Variants in MED23 observed in about 807,000 individuals in gnomAD.
MED23 encodes mediator of RNA polymerase II transcription subunit 23.
Under a neutral mutation model 163.9 loss-of-function variants are expected in MED23, and 105 were observed. The ratio of observed to expected loss-of-function variants is 0.64; its 90% CI spans 0.55 to 0.75. The LOEUF (loss-of-function observed/expected upper bound fraction) is 0.75, where lower values mean the gene tolerates loss of function less well. MED23 is among the 30% of genes least tolerant of loss of function. The pLI is 0.00. For missense variants in MED23, 1,054 were observed against 1,649.0 expected, an observed-to-expected ratio of 0.64 and a Z score of 6.25; for synonymous variants, 561 against 565.6, an observed-to-expected ratio of 0.99 and a Z score of 0.12.
At chr6:131,626,405 C>T (rs1360521567) in intron 3 of MED23, among the ~76,000 whole-genome samples, 1 of 151,406 alleles carries the variant, frequency 6.6e-6, no homozygotes, top group East Asian at 1.9e-4. Context: ...GAATATTATG[C>T]TGCTATTTAA....
At position 131,587,958 on chromosome 6, in the gene MED23, G is replaced by A. The variant is rs1034432678; in HGVS notation, c.3940-112C>T. On this transcript the variant is annotated intron_variant, in intron 28 of 28. Coordinates refer to ENST00000368068, the MANE Select transcript of MED23 (RefSeq NM_004830.4). ...ACAATAAACTAAGGAGTGTCGTGGGGTAGATGAGAAGTTTCTTAACATGTT... is the reference window on the plus strand; with the variant it reads ...ACAATAAACTAAGGAGTGTCGTGGGATAGATGAGAAGTTTCTTAACATGTT... 4.5e-6 allele frequency: 4 copies of A among 886,134 alleles called. No homozygotes were observed. In the East Asian group the frequency reaches 8.1e-5, roughly 18 times the overall value. 54.9% of individuals were successfully genotyped at this position (886,134 alleles called of 1,614,324 possible).
Position 131,587,028 on chromosome 6 carries a change from T to C in MED23, c.*651A>G, listed in dbSNP as rs907957848. On this transcript the variant is annotated 3_prime_UTR_variant, in exon 29 of 29. Transcript: ENST00000368068. Reference sequence around the variant, plus strand: ...TAAGTTCAAGAATTTTCAGATGTTATTTTCTTACATGGCTTCCAACTAATT... The same window carrying C: ...TAAGTTCAAGAATTTTCAGATGTTACTTTCTTACATGGCTTCCAACTAATT... 5 of 1,439,982 alleles carry C rather than the reference T, an allele frequency of 3.5e-6. No individual in the cohort carries two copies. In the East Asian group the frequency reaches 1.3e-4, roughly 37 times the overall value. 89.2% of individuals were successfully genotyped at this position (1,439,982 alleles called of 1,614,324 possible).
intron 17 of MED23, among the ~76,000 whole-genome samples, chr6:131,600,716 T>C (rs998304762): frequency 6.6e-6 from 1 of 152,034 alleles, no homozygotes; most frequent in African/African-American, 2.4e-5. Context: ...CCTTCAAAGA[T>C]TCAATGAGGT....
rs564045731 is a variant in MED23, at chr6:131,605,199, C to T, written c.1613+41G>A. ...ATAAAGGTTTATACTATACTCGTAT[C>T]AATTCCCTGACATGGAACCAAATTA... is the stretch of plus-strand genomic sequence containing the variant. On this transcript the variant is annotated intron_variant, in intron 14 of 28. Transcript: ENST00000368068. 29 of 1,601,176 alleles carry T rather than the reference C, an allele frequency of 1.8e-5. No individual in the cohort carries two copies. In the South Asian group the frequency reaches 3.1e-4, roughly 17 times the overall value.
chr6:131,628,059 C>T lies in MED23; in HGVS notation c.-10G>A. On this transcript the variant is annotated 5_prime_UTR_variant, in exon 1 of 29. Transcript: ENST00000368068. ...GCAGTTGCGTCTCCATCTGTACTAT[C>T]ACCCCCGCCTTTCCAGGGTGCCCGG... 6.2e-7 allele frequency: 1 copy of T among 1,613,998 alleles called. No homozygotes were observed. The highest frequency in any genetic ancestry group is 8.5e-7 in the Non-Finnish European group (1 of 1,180,036).
In MED23 at chr6:131,623,466, TA is replaced by T. The variant is rs749740496; in HGVS notation, c.285-5del. ...TATCAGGGATTCACAAACCAGCCTATAAAAAAAGAAATAGCCATTCCAGTTA... is the reference window on the plus strand; with the variant it reads ...TATCAGGGATTCACAAACCAGCCTATAAAAAAGAAATAGCCATTCCAGTTA... On this transcript the variant is annotated splice_region_variant and splice_polypyrimidine_tract_variant and intron_variant, in intron 4 of 28. Transcript: ENST00000368068. 4.3e-6 allele frequency: 7 copies of T among 1,612,080 alleles called. No individual in the cohort carries two copies. The highest frequency in any genetic ancestry group is 5.1e-6 in the Non-Finnish European group (6 of 1,178,342).
At chr6:131,591,285 A>G in intron 26 of MED23, 28 bp downstream of exon 26, 1 of 1,575,778 alleles carries the variant, frequency 6.3e-7, no homozygotes, top group South Asian at 1.1e-5. Context: ...GCCTACGTCA[A>G]ATTTCTTTAA....
intron 8 of MED23, among the ~76,000 whole-genome samples, chr6:131,619,148 T>C (rs901919068): frequency 2.6e-5 from 4 of 152,204 alleles, no homozygotes; most frequent in Admixed American, 2.6e-4. Context: ...ATGATATCAA[T>C]ATCCACTCAG....
chr6:131,594,011 T>C (rs1415715945), intron 23 of MED23, 88 bp downstream of exon 23: 3 of 1,161,212 alleles, frequency 2.6e-6, no homozygotes, highest in East Asian at 5.1e-5. Context: ...TTGAAATACA[T>C]AAAAAATTAC....
At chr6:131,607,138 T>C (rs1480411955) in intron 12 of MED23, among the ~76,000 whole-genome samples, 1 of 151,722 alleles carries the variant, frequency 6.6e-6, no homozygotes, top group Non-Finnish European at 1.5e-5. Flanking sequence ...TGTCCAACAT[T>C]AACAAAAAAA....
intron 28 of MED23, among the ~76,000 whole-genome samples, chr6:131,588,056 C>A (rs1244420935): frequency 6.6e-6 from 1 of 152,124 alleles, no homozygotes; most frequent in Non-Finnish European, 1.5e-5. Context: ...CTCACACACA[C>A]CCCTTATATA....
Position 131,598,462 on chromosome 6 carries a change from A to C in MED23, c.2432T>G (p.Leu811Ter). 6.2e-7 allele frequency: 1 copy of C among 1,614,126 alleles called. No homozygotes were observed. The highest frequency in any genetic ancestry group is 8.5e-7 in the Non-Finnish European group (1 of 1,179,990). ...CAAGGCCCTGGCTCCAATTCTCTCT[A>C]ATACTCTGGAAGGCAGAGAGTAAAA... Reference protein sequence around the residue: ...DHINQIGYRVLERIGARALVA... With the variant: ...DHINQIGYRV The change falls in exon 20 of 29, where the codon TTA becomes TGA. Residue 811 changes from leucine (L) to a stop codon, truncating the protein, a stop_gained. Transcript: ENST00000368068. LOFTEE classifies it high-confidence loss of function. This position sits in a 1 kb window ranked among gnomAD's most constrained non-coding sequence, Gnocchi z 4.7.
chr6:131,622,045 A>G (rs1440802871), intron 5 of MED23, 66 bp from the exon 6 acceptor site: 7 of 1,189,534 alleles, frequency 5.9e-6, no homozygotes, highest in African/African-American at 1.5e-5. Flanking sequence ...AAAACGTCCG[A>G]AGGTTTCAGG....
chr6:131,604,152 A>G (rs568174776), intron 15 of MED23, 26 bp downstream of exon 15: 1 of 1,612,762 alleles, frequency 6.2e-7, no homozygotes. Context: ...GTTAATAGTT[A>G]TAAACACCAG....
In MED23 at chr6:131,623,472, A is replaced by G. The variant is rs774227668; in HGVS notation, c.285-10T>C. ...GGATTCACAAACCAGCCTATAAAAA[A>G]AGAAATAGCCATTCCAGTTACAAGA... On this transcript the variant is annotated splice_polypyrimidine_tract_variant and intron_variant, in intron 4 of 28. Coordinates refer to ENST00000368068, the MANE Select transcript of MED23 (RefSeq NM_004830.4). 1 of 1,607,638 alleles carries G rather than the reference A, an allele frequency of 6.2e-7. No individual in the cohort carries two copies. Among genetic ancestry groups the G allele is most frequent in the Non-Finnish European group, 8.5e-7 (1 of 1,174,076 alleles).
At position 131,587,545 on chromosome 6, in the gene MED23, T is replaced by A; in HGVS notation, c.*134A>T. On this transcript the variant is annotated 3_prime_UTR_variant, in exon 29 of 29. Transcript: ENST00000368068. ...GGTGTCAACAGATTCATCATTTGAA[T>A]CAAAATAAAACAATCTGAATATCAT... 27 of 1,519,764 alleles carry A rather than the reference T, an allele frequency of 1.8e-5. No homozygotes were observed. Among genetic ancestry groups the A allele is most frequent in the Non-Finnish European group, 2.4e-5 (27 of 1,133,696 alleles). 94.1% of individuals were successfully genotyped at this position (1,519,764 alleles called of 1,614,324 possible).
intron 25 of MED23, chr6:131,592,128 G>T: frequency 2.0e-6 from 1 of 504,720 alleles, no homozygotes; most frequent in Non-Finnish European, 3.5e-6. Flanking sequence ...ACTAAAGTTG[G>T]ATAGGTAAGG....
chr6:131,585,237 T>C (rs1265675246), downstream of MED23, among the ~76,000 whole-genome samples: 1 of 151,876 alleles, frequency 6.6e-6, no homozygotes, highest in Non-Finnish European at 1.5e-5. Context: ...CAAACCAGAG[T>C]AAACGGTAAT....
chr6:131,627,547 A>G (rs933562095), intron 2 of MED23, 64 bp from the exon 3 acceptor site: 11 of 1,586,708 alleles, frequency 6.9e-6, no homozygotes, highest in Non-Finnish European at 9.5e-6. Context: ...CACAATCAGA[A>G]TAGTGGATCT....
Sources: allele counts gnomAD v4.1 joint callset (sites outside exome capture counted in the v4.1 genomes callset), GRCh38; gene constraint gnomAD v4.1.1; non-coding constraint Gnocchi (gnomAD v3.1); transcripts MANE v1.5; gene names NCBI Gene and HGNC (gene_info 2026-07-23, HGNC 2026-07-21).